ZNF680: variants seen among roughly 807,000 people sequenced by gnomAD.
ZNF680 encodes zinc finger protein 680.
A neutral mutation model predicts 12.1 loss-of-function variants in ZNF680; 6 were observed. The observed-to-expected ratio is 0.49, with a 90% confidence interval of 0.27 to 0.98. The LOEUF (loss-of-function observed/expected upper bound fraction) is 0.98, where lower values mean the gene tolerates loss of function less well. ZNF680 is among the 50% of genes least tolerant of loss of function. The probability of loss-of-function intolerance (pLI) is 0.12; values close to 1 mark genes in which losing one functional copy is unlikely to be tolerated. For synonymous variants in ZNF680, 170 were observed against 199.3 expected (o/e 0.85, Z 1.24); for missense variants, 561 against 616.3 (o/e 0.91, Z 0.95).
At chr7:64,558,775 G>A (rs1787558951) in intron 1 of ZNF680, among the ~76,000 whole-genome samples, 2 of 151,690 alleles carry the variant, frequency 1.3e-5, no homozygotes, top group South Asian at 4.1e-4. Flanking sequence ...AGGCAGAAAA[G>A]GGGTTGCTTT....
chr7:64,508,146 TAA>T, the ZNF680 span, among the ~76,000 whole-genome samples: 72 of 122,742 alleles, frequency 5.9e-4, no homozygotes, highest in Middle Eastern at 3.8e-3. Context: ...TATATATACA[TAA>T]TTTTTTTTTT....
At chr7:64,550,419 T>C (rs1562770277) in intron 1 of ZNF680, among the ~76,000 whole-genome samples, 1 of 152,226 alleles carries the variant, frequency 6.6e-6, no homozygotes, top group Non-Finnish European at 1.5e-5. Context: ...ATTTCTCAGA[T>C]AAAATGTTTT....
intron 3 of ZNF680, chr7:64,526,376 C>CA (rs1791843711): frequency 3.0e-5 from 42 of 1,383,940 alleles, no homozygotes; most frequent in Non-Finnish European, 3.8e-5. Flanking sequence ...TTCATTATGA[C>CA]TAGCACAGTT....
At chr7:64,526,812 T>G (rs1486717173) in intron 3 of ZNF680, among the ~76,000 whole-genome samples, 1 of 152,244 alleles carries the variant, frequency 6.6e-6, no homozygotes, top group Admixed American at 6.5e-5. Context: ...TTGAAGTTGT[T>G]ATGAAATTAA....
chr7:64,560,969 T>C (rs1266051233), intron 1 of ZNF680: 2 of 152,224 alleles, frequency 1.3e-5, no homozygotes, highest in Non-Finnish European at 2.9e-5. Context: ...TTCGTAAATA[T>C]TTTACCTTTT....
chr7:64,533,966 A>C (rs577438182), intron 3 of ZNF680, among the ~76,000 whole-genome samples: 2 of 152,334 alleles, frequency 1.3e-5, no homozygotes, highest in East Asian at 3.9e-4. Flanking sequence ...AGCCACATGT[A>C]GGAGAATAAA....
At chr7:64,559,340 C>T (rs1584415162) in intron 1 of ZNF680, among the ~76,000 whole-genome samples, 1 of 152,104 alleles carries the variant, frequency 6.6e-6, no homozygotes, top group Non-Finnish European at 1.5e-5. Context: ...AGGCTTTATT[C>T]ATTTGGGGGG....
At chr7:64,508,734 GCCTTTGGACTAACTCTAGT>G in the ZNF680 span, among the ~76,000 whole-genome samples, 579 of 152,152 alleles carry the variant, frequency 3.8e-3, 10 homozygotes, top group African/African-American at 0.013. Context: ...TTATCTAAAG[GCCTTTGGACTAACTCTAGT>G]CCCCACTATT....
chr7:64,556,184 T>C (rs1433339764), intron 1 of ZNF680, among the ~76,000 whole-genome samples: 1 of 147,104 alleles, frequency 6.8e-6, no homozygotes, highest in Non-Finnish European at 1.5e-5. Context: ...ATCATTAAAA[T>C]GGCCATACTG....
At position 64,522,242 on chromosome 7, in the gene ZNF680, CTGTT is replaced by C. The variant is rs775486364; in HGVS notation, c.508_511del (p.Asn170ValfsTer27). On this transcript the variant is annotated frameshift_variant, in exon 4 of 4. Transcript: ENST00000309683. LOFTEE classifies it low-confidence loss of function (END_TRUNC). The stretch of plus-strand genomic sequence containing the variant: ...CTTTCCAGTATTTCTTTTCTTATGA[CTGTT>C]TGAATTTGAAAATTTATGAAAGACT... 21 of 1,612,538 alleles carry C rather than the reference CTGTT, an allele frequency of 1.3e-5. 1 individual carries two copies. The highest frequency in any genetic ancestry group is 2.2e-5 in the South Asian group (2 of 90,970).
intron 3 of ZNF680, among the ~76,000 whole-genome samples, chr7:64,541,369 G>C (rs1338373241): frequency 1.3e-5 from 2 of 151,994 alleles, no homozygotes; most frequent in African/African-American, 4.8e-5. Context: ...TTCCTTATTT[G>C]CTTATCATCC....
the ZNF680 span, among the ~76,000 whole-genome samples, chr7:64,508,553 T>C: frequency 6.6e-6 from 1 of 152,080 alleles, no homozygotes; most frequent in Non-Finnish European, 1.5e-5. Flanking sequence ...AGACGGGAAT[T>C]ACTAATCAGT....
chr7:64,558,831 G>A (rs1787564434), intron 1 of ZNF680, among the ~76,000 whole-genome samples: 1 of 151,540 alleles, frequency 6.6e-6, no homozygotes, highest in Non-Finnish European at 1.5e-5. Flanking sequence ...TAATGTTGAG[G>A]ACACACCGGG....
downstream of ZNF680, among the ~76,000 whole-genome samples, chr7:64,515,528 G>A (rs1462586554): frequency 1.3e-5 from 2 of 152,060 alleles, no homozygotes; most frequent in East Asian, 3.9e-4. Context: ...CCCAGCCCAT[G>A]AGTCATTGCC....
At position 64,520,314 on chromosome 7, in the gene ZNF680, A is replaced by T. The variant is rs1206471777; in HGVS notation, c.*847T>A. ...GAATTTCATCATTATTTACTTTTCAAATAAGCCATAATTTTTTCAAGAAAA... is the reference window on the plus strand; with the variant it reads ...GAATTTCATCATTATTTACTTTTCATATAAGCCATAATTTTTTCAAGAAAA... On this transcript the variant is annotated 3_prime_UTR_variant, in exon 4 of 4. Transcript: ENST00000309683. 1 of 151,808 alleles carries T rather than the reference A, an allele frequency of 6.6e-6. No homozygotes were observed. The highest frequency in any genetic ancestry group is 1.5e-5 in the Non-Finnish European group (1 of 67,698). The allele number at this position is 151,808 out of a possible 1,614,324, so 9.4% of individuals were successfully genotyped here. A position where few individuals can be genotyped will look rare whatever the true frequency, so the allele number is the denominator to read the frequency against.
the ZNF680 span, among the ~76,000 whole-genome samples, chr7:64,509,593 C>T: frequency 6.6e-6 from 1 of 152,122 alleles, no homozygotes; most frequent in Non-Finnish European, 1.5e-5. Context: ...AGTATTAAAA[C>T]ATTCCCTTCA....
chr7:64,529,766 C>T (rs1452286220), intron 3 of ZNF680, among the ~76,000 whole-genome samples: 1 of 152,002 alleles, frequency 6.6e-6, no homozygotes, highest in African/African-American at 2.4e-5. Flanking sequence ...TTACTAGAGA[C>T]CTAGACATCC....
the ZNF680 span, among the ~76,000 whole-genome samples, chr7:64,509,180 A>G: frequency 2.0e-5 from 3 of 152,216 alleles, no homozygotes; most frequent in Non-Finnish European, 2.9e-5. Context: ...AAGAATTTGG[A>G]GTCAGAGTTT....
chr7:64,554,850 C>T (rs1477120445), intron 1 of ZNF680, among the ~76,000 whole-genome samples: 1 of 152,086 alleles, frequency 6.6e-6, no homozygotes, highest in Non-Finnish European at 1.5e-5. Flanking sequence ...ACAAACACTG[C>T]GGAAGGCAGC....
Sources: gnomAD v4.1 joint callset for allele counts (sites outside exome capture counted in the v4.1 genomes callset) on GRCh38, gnomAD v4.1.1 for gene constraint, MANE v1.5 for transcripts, NCBI Gene and HGNC (gene_info 2026-07-23, HGNC 2026-07-21) for gene names.